TMPRSS2: variants seen among roughly 807,000 people sequenced by gnomAD.
TMPRSS2 encodes transmembrane protease serine 2.
Under a neutral mutation model 67.4 loss-of-function variants are expected in TMPRSS2, and 59 were observed. The ratio of observed to expected loss-of-function variants is 0.88; its 90% CI spans 0.71 to 1.09. The LOEUF (loss-of-function observed/expected upper bound fraction) is 1.09, where lower values mean the gene tolerates loss of function less well. TMPRSS2 is among the 50% of genes least tolerant of loss of function. The pLI is 0.00. For synonymous variants in TMPRSS2, 257 were observed against 257.0 expected, an observed-to-expected ratio of 1.00 and a Z score of 0.00; for missense variants, 668 against 642.7, an observed-to-expected ratio of 1.04 and a Z score of -0.43.
At chr21:41,483,536 G>GC (rs1282139337) in intron 5 of TMPRSS2, among the ~76,000 whole-genome samples, 33 of 117,790 alleles carry the variant, frequency 2.8e-4, no homozygotes, top group Non-Finnish European at 5.0e-4. Flanking sequence ...CACCCCCTCC[G>GC]CCCCCCACCT....
rs1569010753 is a variant in TMPRSS2, at chr21:41,471,994, A to G, written c.900-13T>C. ...ATTGTTAAGAGGTCTGGGAGAGAAG[A>G]AGGACTCAGTATCTCAGAGCCATAA... On this transcript the variant is annotated splice_polypyrimidine_tract_variant and intron_variant, in intron 9 of 13. Coordinates refer to ENST00000332149, the MANE Select transcript of TMPRSS2 (RefSeq NM_005656.4). The G allele has an allele frequency of 1.3e-6, 2 of 1,586,246 alleles. No homozygotes were observed. The highest frequency in any genetic ancestry group is 1.7e-6 in the Non-Finnish European group (2 of 1,161,900).
chr21:41,469,140 C>A (rs1269155110), intron 11 of TMPRSS2, among the ~76,000 whole-genome samples: 2 of 152,124 alleles, frequency 1.3e-5, no homozygotes, highest in African/African-American at 2.4e-5. Context: ...TTCTCACCAA[C>A]CAATATTTCC....
chr21:41,507,855 G>C (rs2091469250), intron 1 of TMPRSS2: 1 of 1,376,758 alleles, frequency 7.3e-7, no homozygotes, highest in Non-Finnish European at 9.5e-7. Flanking sequence ...GCTCTCGGCC[G>C]TGCGCAAGGG....
chr21:41,480,258 G>A (rs2091246588), intron 6 of TMPRSS2, among the ~76,000 whole-genome samples: 1 of 152,232 alleles, frequency 6.6e-6, no homozygotes, highest in African/African-American at 2.4e-5. Context: ...AGAGGCCAAG[G>A]AGGAGGCAGG....
At chr21:41,479,411 AT>A in intron 6 of TMPRSS2, 129 bp from the exon 7 acceptor site, 1 of 686,830 alleles carries the variant, frequency 1.5e-6, no homozygotes, top group Non-Finnish European at 2.4e-6. Context: ...AGGAAAAAAA[AT>A]CACACGTTCT....
At chr21:41,470,611 G>A (rs1421957331) in intron 11 of TMPRSS2, 37 bp downstream of exon 11, 1 of 1,589,942 alleles carries the variant, frequency 6.3e-7, no homozygotes, top group Non-Finnish European at 8.6e-7. Flanking sequence ...CTCCATCTGT[G>A]GGCCCTGCAG....
chr21:41,468,858 C>A (rs919275353), intron 11 of TMPRSS2: 2 of 286,088 alleles, frequency 7.0e-6, no homozygotes, highest in African/African-American at 4.2e-5. Flanking sequence ...TCTGCTGAAC[C>A]AATTTCCCAC....
intron 5 of TMPRSS2, among the ~76,000 whole-genome samples, chr21:41,484,034 GA>G (rs2091278266): frequency 6.6e-6 from 1 of 152,126 alleles, no homozygotes; most frequent in Non-Finnish European, 1.5e-5. Flanking sequence ...GGGAAGGATG[GA>G]TTGAGCCCAG....
Position 41,466,111 on chromosome 21 carries a change from A to G in TMPRSS2, c.*31T>C, listed in dbSNP as rs1166047038. 6.2e-7 allele frequency: 1 copy of G among 1,613,642 alleles called. No individual in the cohort carries two copies. The highest frequency in any genetic ancestry group is 8.5e-7 in the Non-Finnish European group (1 of 1,179,756). ...AAAACCAGCCCCATTGTTTTCTTGT[A>G]AAACGACGTCAAGGACGAAGACCAT... On this transcript the variant is annotated 3_prime_UTR_variant, in exon 14 of 14. Coordinates refer to ENST00000332149, the MANE Select transcript of TMPRSS2 (RefSeq NM_005656.4).
At chr21:41,469,004 C>T (rs1212681104) in intron 11 of TMPRSS2, among the ~76,000 whole-genome samples, 3 of 152,152 alleles carry the variant, frequency 2.0e-5, no homozygotes, top group South Asian at 2.1e-4. Flanking sequence ...TCTCAAGACA[C>T]GGCCTGCACT....
intron 5 of TMPRSS2, among the ~76,000 whole-genome samples, chr21:41,483,552 TC>T (rs946362975): frequency 8.3e-6 from 1 of 120,628 alleles, no homozygotes; most frequent in Non-Finnish European, 1.7e-5. Flanking sequence ...CACCTCGGCC[TC>T]CCAAAGTGCG....
intron 5 of TMPRSS2, among the ~76,000 whole-genome samples, chr21:41,482,176 T>C (rs1444295043): frequency 6.6e-6 from 1 of 152,142 alleles, no homozygotes. Context: ...TCTGCTGAAA[T>C]GATCTCAGCT....
At chr21:41,479,112 C>T (rs1446483103) in intron 7 of TMPRSS2, 60 bp downstream of exon 7, 4 of 1,284,946 alleles carry the variant, frequency 3.1e-6, no homozygotes, top group Non-Finnish European at 4.5e-6. Context: ...ACAACGATTC[C>T]CCATGGTGTC....
chr21:41,495,489 G>C (rs1035234373), intron 2 of TMPRSS2, among the ~76,000 whole-genome samples: 1 of 151,960 alleles, frequency 6.6e-6, no homozygotes, highest in Non-Finnish European at 1.5e-5. Context: ...GCCGGATATG[G>C]TGGTGCACGC....
intron 1 of TMPRSS2, among the ~76,000 whole-genome samples, chr21:41,503,140 TC>T (rs1434621523): frequency 6.6e-6 from 1 of 152,180 alleles, no homozygotes; most frequent in Non-Finnish European, 1.5e-5. Flanking sequence ...TTTTTTGAGT[TC>T]CAAAGGCCAA....
intron 8 of TMPRSS2, 111 bp from the exon 9 acceptor site, chr21:41,473,607 A>T: frequency 8.1e-7 from 1 of 1,239,582 alleles, no homozygotes; most frequent in East Asian, 2.6e-5. Context: ...GGGCAGGGGC[A>T]CCACTGCTGG....
At chr21:41,501,301 A>G (rs2091421756) in intron 1 of TMPRSS2, among the ~76,000 whole-genome samples, 3 of 152,310 alleles carry the variant, frequency 2.0e-5, no homozygotes, top group African/African-American at 7.2e-5. Context: ...GACCAGAGTG[A>G]TGCTGCCAGT....
intron 1 of TMPRSS2, 79 bp downstream of exon 1, chr21:41,508,002 C>T (rs1202772361): frequency 7.3e-7 from 1 of 1,376,610 alleles, no homozygotes; most frequent in Non-Finnish European, 9.3e-7. Context: ...GGGCAGGGGG[C>T]ATCGGCGGGT....
intron 5 of TMPRSS2, among the ~76,000 whole-genome samples, chr21:41,483,157 T>C (rs1448616152): frequency 6.6e-6 from 1 of 152,212 alleles, no homozygotes; most frequent in East Asian, 1.9e-4. Flanking sequence ...ATGTGGGATG[T>C]TCATAACAGG....
Sources: gnomAD v4.1 joint callset for allele counts (sites outside exome capture counted in the v4.1 genomes callset) on GRCh38, gnomAD v4.1.1 for gene constraint, MANE v1.5 for transcripts, NCBI Gene and HGNC (gene_info 2026-07-23, HGNC 2026-07-21) for gene names.